Variants in EFNA5 observed in about 807,000 individuals in gnomAD.
The protein encoded by EFNA5 is ephrin A5, also known as ephrin-A5.
A neutral mutation model predicts 22.9 loss-of-function variants in EFNA5; 5 were observed. That is an observed-to-expected ratio of 0.22 (90% CI 0.11 to 0.46). The LOEUF is 0.46. EFNA5 is among the 20% of genes least tolerant of loss of function. The probability of loss-of-function intolerance (pLI) is 0.99; values close to 1 mark genes in which losing one functional copy is unlikely to be tolerated. For synonymous variants in EFNA5, 113 were observed against 112.2 expected, an observed-to-expected ratio of 1.01 and a Z score of -0.04; for missense variants, 237 against 293.3, an observed-to-expected ratio of 0.81 and a Z score of 1.40.
At chr5:107,551,486 T>C (rs1561430379) in intron 1 of EFNA5, among the ~76,000 whole-genome samples, 1 of 152,166 alleles carries the variant, frequency 6.6e-6, no homozygotes, top group Non-Finnish European at 1.5e-5. Context: ...AGTAATGACA[T>C]GTTCTGTTAT....
intron 1 of EFNA5, among the ~76,000 whole-genome samples, chr5:107,540,648 T>C (rs1748023682): frequency 6.6e-6 from 1 of 152,220 alleles, no homozygotes; most frequent in Non-Finnish European, 1.5e-5. Context: ...TACTCTCAGA[T>C]GCTTTAGGAG....
chr5:107,645,461 C>G (rs182377779), intron 1 of EFNA5, among the ~76,000 whole-genome samples: 2 of 152,336 alleles, frequency 1.3e-5, no homozygotes, highest in African/African-American at 4.8e-5. Context: ...AAATTTATAT[C>G]TAGCAAATCT....
chr5:107,651,027 C>T (rs900327227), intron 1 of EFNA5, among the ~76,000 whole-genome samples: 1 of 152,136 alleles, frequency 6.6e-6, no homozygotes, highest in South Asian at 2.1e-4. Flanking sequence ...ATTTTTAATG[C>T]TCTTTTCATA....
At chr5:107,432,042 T>C (rs367861194) in intron 1 of EFNA5, among the ~76,000 whole-genome samples, 7 of 152,230 alleles carry the variant, frequency 4.6e-5, no homozygotes, top group African/African-American at 1.4e-4. Flanking sequence ...CTCTTAAGAG[T>C]TGGGTTACCT....
chr5:107,567,212 C>CA lies in EFNA5; in HGVS notation c.125+103276dup, dbSNP rs532366211. Among the ~76,000 whole-genome samples, 441 of 149,970 alleles carry CA rather than the reference C, an allele frequency of 2.9e-3. 2 individuals are homozygous for CA. Among genetic ancestry groups the CA allele is most frequent in the African/African-American group, 9.3e-3 (381 of 40,954 alleles). On this transcript the variant is annotated intron_variant, in intron 1 of 4. Transcript: ENST00000333274. Reference sequence around the variant, plus strand: ...CCATGATGTCACTGGCATTCCGCACCAAAAAAAAAGGTCCCCACAGATCAA... The same window carrying CA: ...CCATGATGTCACTGGCATTCCGCACCAAAAAAAAAAGGTCCCCACAGATCAA...
chr5:107,544,297 GCCC>G (rs1748106129), intron 1 of EFNA5, among the ~76,000 whole-genome samples: 1 of 152,178 alleles, frequency 6.6e-6, no homozygotes, highest in African/African-American at 2.4e-5. Context: ...CTGGGGCTCA[GCCC>G]CACACAGGGC....
intron 1 of EFNA5, among the ~76,000 whole-genome samples, chr5:107,598,285 C>T (rs1039780216): frequency 6.6e-6 from 1 of 152,098 alleles, no homozygotes; most frequent in Admixed American, 6.5e-5. Flanking sequence ...TACTGCAGTC[C>T]TGCCCTGAGT....
At chr5:107,486,239 T>G (rs17594657) in intron 1 of EFNA5, among the ~76,000 whole-genome samples, 5,085 of 152,226 alleles carry the variant, frequency 0.033, 120 homozygotes, top group East Asian at 0.11. Context: ...CAGGCCCTGC[T>G]AGAAAAAAGC....
chr5:107,531,513 G>C (rs1378050219), intron 1 of EFNA5, among the ~76,000 whole-genome samples: 1 of 152,176 alleles, frequency 6.6e-6, no homozygotes, highest in Non-Finnish European at 1.5e-5. Context: ...ATACCTGAAG[G>C]GCTGTCATGC....
At chr5:107,585,788 G>C (rs1409872859) in intron 1 of EFNA5, among the ~76,000 whole-genome samples, 3 of 152,154 alleles carry the variant, frequency 2.0e-5, no homozygotes, top group African/African-American at 7.2e-5. Flanking sequence ...ACAGAAATTA[G>C]CCCTAAATGT....
chr5:107,577,047 G>C (rs1435937447), intron 1 of EFNA5, among the ~76,000 whole-genome samples: 1 of 152,130 alleles, frequency 6.6e-6, no homozygotes, highest in Non-Finnish European at 1.5e-5. Flanking sequence ...TTCACTCTTA[G>C]TTTAGAAAGA....
rs189461586 is a variant in EFNA5, at chr5:107,486,632, G to A, written c.126-59123C>T. Among the ~76,000 whole-genome samples the A allele has an allele frequency of 5.8e-3, 887 of 152,270 alleles. 9 individuals are homozygous for A. Among genetic ancestry groups the A allele is most frequent in the African/African-American group, 0.02 (837 of 41,540 alleles). The stretch of plus-strand genomic sequence containing the variant: ...AGAGTTGTGGGCGGAAGGAACATGA[G>A]TCACTTTTGGGCTGAAGCAAGACTC... On this transcript the variant is annotated intron_variant, in intron 1 of 4. Transcript: ENST00000333274.
chr5:107,504,754 A>G (rs1747215702), intron 1 of EFNA5, among the ~76,000 whole-genome samples: 1 of 152,210 alleles, frequency 6.6e-6, no homozygotes, highest in African/African-American at 2.4e-5. Flanking sequence ...CACCAAGCTT[A>G]AAAGGTCTGG....
intron 1 of EFNA5, among the ~76,000 whole-genome samples, chr5:107,630,620 T>C (rs1445876863): frequency 1.3e-5 from 2 of 152,172 alleles, no homozygotes; most frequent in African/African-American, 4.8e-5. Flanking sequence ...CCCAGCTCTG[T>C]ACACTTCTGT....
chr5:107,523,504 G>A (rs1363364975), intron 1 of EFNA5, among the ~76,000 whole-genome samples: 1 of 152,188 alleles, frequency 6.6e-6, no homozygotes, highest in Non-Finnish European at 1.5e-5. Context: ...AGCAGGTGGA[G>A]AGCAGATGAA....
Position 107,586,220 on chromosome 5 carries a change from G to GTAAA in EFNA5, c.125+84265_125+84268dup, listed in dbSNP as rs569105877. Among the ~76,000 whole-genome samples, 17 of 152,148 alleles carry GTAAA rather than the reference G, an allele frequency of 1.1e-4. No individual in the cohort carries two copies. The South Asian group carries it at 3.5e-3, about 32-fold the overall frequency. On this transcript the variant is annotated intron_variant, in intron 1 of 4. Coordinates refer to ENST00000333274, the MANE Select transcript of EFNA5 (RefSeq NM_001962.3). ...AGCCTGCCTAAGTAAAACTCATGAA[G>GTAAA]TAAAGATCTACAATTACAATAATTG...
intron 1 of EFNA5, among the ~76,000 whole-genome samples, chr5:107,570,832 G>C (rs37444): frequency 6.6e-6 from 1 of 151,980 alleles, no homozygotes; most frequent in African/African-American, 2.4e-5. Context: ...TTCTATATCC[G>C]TATATACCTG....
chr5:107,589,870 G>A (rs1016694466), intron 1 of EFNA5, among the ~76,000 whole-genome samples: 3 of 152,128 alleles, frequency 2.0e-5, no homozygotes, highest in African/African-American at 7.2e-5. Context: ...AATGACTTGG[G>A]TTTTTCTTCT....
intron 1 of EFNA5, among the ~76,000 whole-genome samples, chr5:107,643,554 G>T (rs1484473320): frequency 6.6e-6 from 1 of 152,122 alleles, no homozygotes; most frequent in East Asian, 1.9e-4. Flanking sequence ...AAAGGTGATT[G>T]TCTCCAGAAG....
Sources: gnomAD v4.1 joint callset for allele counts (sites outside exome capture counted in the v4.1 genomes callset) on GRCh38, gnomAD v4.1.1 for gene constraint, MANE v1.5 for transcripts, NCBI Gene and HGNC (gene_info 2026-07-23, HGNC 2026-07-21) for gene names.